CRYBG1: variants seen among roughly 807,000 people sequenced by gnomAD.
The protein encoded by CRYBG1 is beta/gamma crystallin domain-containing protein 1.
Under a neutral mutation model 189.2 loss-of-function variants are expected in CRYBG1, and 139 were observed. That is an observed-to-expected ratio of 0.73 (90% CI 0.64 to 0.85). CRYBG1 has a LOEUF of 0.85. Among genes scored for constraint, CRYBG1 ranks in the 40% least tolerant of loss-of-function variants. CRYBG1 has a pLI of 0.00. For missense variants in CRYBG1, 2,611 were observed against 2,675.8 expected, an observed-to-expected ratio of 0.98 and a Z score of 0.53; for synonymous variants, 1,023 against 1,017.1, an observed-to-expected ratio of 1.01 and a Z score of -0.11.
chr6:106,568,569 AAAG>A lies in CRYBG1; in HGVS notation c.*7_*9del, dbSNP rs1452951649. 8.7e-6 allele frequency: 14 copies of A among 1,600,818 alleles called. No individual in the cohort carries two copies. The highest frequency in any genetic ancestry group is 1.3e-5 in the African/African-American group (1 of 74,736). ...AAGCCATGGTCCTATATACCTGAACAAAGAAGGAAGAAGAATCTTCTGGAGGTC... is the reference window on the plus strand; with the variant it reads ...AAGCCATGGTCCTATATACCTGAACAAAGGAAGAAGAATCTTCTGGAGGTC... On this transcript the variant is annotated 3_prime_UTR_variant, in exon 22 of 22. Coordinates refer to ENST00000633556, the MANE Select transcript of CRYBG1 (RefSeq NM_001371242.2).
chr6:106,417,898 G>T (rs1215624722), intron 1 of CRYBG1, among the ~76,000 whole-genome samples: 1 of 152,264 alleles, frequency 6.6e-6, no homozygotes. Flanking sequence ...AGCTCTTTTA[G>T]TTCCCCCGTC....
chr6:106,487,774 T>G (rs1050299568), intron 2 of CRYBG1, among the ~76,000 whole-genome samples: 6 of 152,226 alleles, frequency 3.9e-5, no homozygotes, highest in Non-Finnish European at 7.3e-5. Context: ...CTTAAGATCA[T>G]CATTTTGAAT....
chr6:106,500,233 C>A (rs1191952964), intron 2 of CRYBG1, among the ~76,000 whole-genome samples: 1 of 152,068 alleles, frequency 6.6e-6, no homozygotes, highest in African/African-American at 2.4e-5. Context: ...GAGGAACCTC[C>A]ACACTATTTT....
At chr6:106,498,967 T>A (rs1378714873) in intron 2 of CRYBG1, among the ~76,000 whole-genome samples, 1 of 152,066 alleles carries the variant, frequency 6.6e-6, no homozygotes, top group East Asian at 1.9e-4. Context: ...TGATACTGTG[T>A]AATGCCCTGG....
At chr6:106,490,874 TGA>T (rs1236904033) in intron 2 of CRYBG1, among the ~76,000 whole-genome samples, 1 of 128,918 alleles carries the variant, frequency 7.8e-6, no homozygotes. Context: ...GATGAGCACT[TGA>T]TCATTTTTCA....
intron 1 of CRYBG1, among the ~76,000 whole-genome samples, chr6:106,436,541 A>G (rs988697476): frequency 1.1e-4 from 16 of 152,072 alleles, no homozygotes; most frequent in Non-Finnish European, 2.1e-4. Flanking sequence ...TGATCCACCC[A>G]CCTTGGCCTC....
At chr6:106,518,612 C>A (rs1278652215) in intron 3 of CRYBG1, among the ~76,000 whole-genome samples, 1 of 151,992 alleles carries the variant, frequency 6.6e-6, no homozygotes, top group Non-Finnish European at 1.5e-5. Context: ...GCAAAACACC[C>A]ATTAAAAATA....
At chr6:106,553,372 T>G in intron 15 of CRYBG1, 83 bp from the exon 16 acceptor site, 1 of 871,840 alleles carries the variant, frequency 1.1e-6, no homozygotes, top group Non-Finnish European at 1.9e-6. Context: ...CAGCAGGTCA[T>G]GTTTAGGTCA....
chr6:106,389,852 G>A (rs967102316), intron 1 of CRYBG1, among the ~76,000 whole-genome samples: 7 of 151,948 alleles, frequency 4.6e-5, no homozygotes, highest in African/African-American at 2.4e-5. Flanking sequence ...GGTTTCTGTT[G>A]TATTGTGATG....
rs140451533 is a variant in CRYBG1, at chr6:106,544,663, A to G, written c.5132A>G (p.Asn1711Ser). 34 of 1,614,130 alleles carry G rather than the reference A, an allele frequency of 2.1e-5. No homozygotes were observed. In the African/African-American group the frequency reaches 3.6e-4, roughly 17 times the overall value. The change falls in exon 12 of 22, where the codon AAT becomes AGT. Residue 1711 changes from asparagine (N) to serine (S), a missense_variant. By Grantham distance (46) the Asn-to-Ser change is conservative (BLOSUM62 1). Coordinates refer to ENST00000633556, the MANE Select transcript of CRYBG1 (RefSeq NM_001371242.2). ...GACTGGAAAGCCTGGGGAGGTTACA[A>G]TGGAGAGCTTCAGTCTTTACGACCT... ...YRDWKAWGGY[N>S]GELQSLRPIL...
chr6:106,492,556 AG>A (rs927192995), intron 2 of CRYBG1, among the ~76,000 whole-genome samples: 9 of 152,056 alleles, frequency 5.9e-5, no homozygotes, highest in African/African-American at 1.9e-4. Flanking sequence ...AAGGAAAGGA[AG>A]GAAGGAAGGA....
intron 1 of CRYBG1, among the ~76,000 whole-genome samples, chr6:106,450,091 G>C (rs1244776196): frequency 2.0e-5 from 3 of 151,868 alleles, no homozygotes; most frequent in Non-Finnish European, 4.4e-5. Context: ...GCTGGGTGTG[G>C]TGGCACATGC....
At chr6:106,400,098 T>A (rs1770693073) in intron 1 of CRYBG1, among the ~76,000 whole-genome samples, 1 of 138,970 alleles carries the variant, frequency 7.2e-6, no homozygotes. Flanking sequence ...TTCGTGGCAC[T>A]GCACTCCAGC....
At chr6:106,486,219 TG>T in intron 2 of CRYBG1, among the ~76,000 whole-genome samples, 1 of 152,302 alleles carries the variant, frequency 6.6e-6, no homozygotes, top group African/African-American at 2.4e-5. Flanking sequence ...ATTGACCCAT[TG>T]ATTATCAAAG....
intron 2 of CRYBG1, among the ~76,000 whole-genome samples, chr6:106,469,551 CTACTTAA>C (rs1772185859): frequency 6.6e-6 from 1 of 152,164 alleles, no homozygotes; most frequent in Non-Finnish European, 1.5e-5. Flanking sequence ...TTCTCAAGGA[CTACTTAA>C]TACTTAGTAG....
chr6:106,498,462 ATAAT>A (rs2114505016), intron 2 of CRYBG1, among the ~76,000 whole-genome samples: 2 of 152,356 alleles, frequency 1.3e-5, no homozygotes, highest in South Asian at 4.1e-4. Flanking sequence ...TCTTATGGAA[ATAAT>A]TAATGATATG....
chr6:106,520,865 C>A lies in CRYBG1; in HGVS notation c.3657C>A (p.Ile1219=). Residue 1219 remains isoleucine, a synonymous_variant, in exon 4 of 22, where the codon ATC becomes ATA. Transcript: ENST00000633556. ...GNSEPLVMPE[I]NDKENRDVTN... Reference sequence around the variant, plus strand: ...GTGAGCCTCTGGTGATGCCGGAAATCAATGACAAAGAGAACAGGGACGTCA... The same window carrying A: ...GTGAGCCTCTGGTGATGCCGGAAATAAATGACAAAGAGAACAGGGACGTCA... The A allele has an allele frequency of 6.2e-7, 1 of 1,614,152 alleles. No homozygotes were observed. The highest frequency in any genetic ancestry group is 1.1e-5 in the South Asian group (1 of 91,074).
At chr6:106,395,812 T>G (rs1770593101) in intron 1 of CRYBG1, among the ~76,000 whole-genome samples, 1 of 151,120 alleles carries the variant, frequency 6.6e-6, no homozygotes, top group Non-Finnish European at 1.5e-5. Context: ...TATATATATA[T>G]AGATTTGGGG....
At chr6:106,503,524 C>T (rs1773055434) in intron 2 of CRYBG1, among the ~76,000 whole-genome samples, 1 of 152,196 alleles carries the variant, frequency 6.6e-6, no homozygotes, top group Admixed American at 6.5e-5. Context: ...AAATACTGAG[C>T]TACCTTTTAG....
Sources: gnomAD v4.1 joint callset for allele counts (sites outside exome capture counted in the v4.1 genomes callset) on GRCh38, gnomAD v4.1.1 for gene constraint, MANE v1.5 for transcripts, NCBI Gene and HGNC (gene_info 2026-07-23, HGNC 2026-07-21) for gene names.